Variants in ADGRL3 observed in about 807,000 individuals in gnomAD.
ADGRL3 encodes adhesion G protein-coupled receptor L3.
In ADGRL3, 62 loss-of-function variants were observed where a neutral mutation model predicts 153.5. That is an observed-to-expected ratio of 0.40 (90% CI 0.33 to 0.50). The LOEUF (loss-of-function observed/expected upper bound fraction) is 0.50. ADGRL3 is among the 20% of genes least tolerant of loss of function. The pLI, the probability that ADGRL3 is intolerant of heterozygous loss-of-function variation, is 0.47. For synonymous variants in ADGRL3, 710 were observed against 672.5 expected, an observed-to-expected ratio of 1.06 and a Z score of -0.86; for missense variants, 1,641 against 1,859.4, an observed-to-expected ratio of 0.88 and a Z score of 2.16.
At chr4:61,305,874 A>G (rs2094762755) in intron 1 of ADGRL3, among the ~76,000 whole-genome samples, 1 of 152,056 alleles carries the variant, frequency 6.6e-6, no homozygotes, top group Non-Finnish European at 1.5e-5. Context: ...GTCTTCTCTG[A>G]GGGTGTGTGG....
chr4:61,846,934 A>G (rs1227842106), intron 9 of ADGRL3, among the ~76,000 whole-genome samples: 1 of 136,654 alleles, frequency 7.3e-6, no homozygotes, highest in Non-Finnish European at 1.5e-5. Flanking sequence ...GCCGTGAGGG[A>G]TATTTTATAT....
chr4:61,554,505 T>G (rs2098756485), intron 4 of ADGRL3, among the ~76,000 whole-genome samples: 1 of 152,124 alleles, frequency 6.6e-6, no homozygotes, highest in Admixed American at 6.6e-5. Flanking sequence ...CTAGGTATTT[T>G]ATTTTTATTC....
intron 5 of ADGRL3, among the ~76,000 whole-genome samples, chr4:61,668,457 A>C (rs1233447880): frequency 6.6e-6 from 1 of 152,260 alleles, no homozygotes; most frequent in Admixed American, 6.5e-5. Context: ...TAGAAGCAAC[A>C]GAAAAAACGA....
intron 1 of ADGRL3, among the ~76,000 whole-genome samples, chr4:61,369,287 A>T (rs1331947487): frequency 6.6e-6 from 1 of 152,186 alleles, no homozygotes; most frequent in Admixed American, 6.5e-5. Flanking sequence ...GTGGTGAGAG[A>T]GGGCATCCCT....
intron 1 of ADGRL3, among the ~76,000 whole-genome samples, chr4:61,345,004 G>A (rs1031507736): frequency 2.0e-5 from 3 of 151,230 alleles, no homozygotes; most frequent in African/African-American, 7.3e-5. Context: ...CAGCATGTTG[G>A]CCAGGCTTGT....
chr4:61,947,981 A>T, intron 16 of ADGRL3, 119 bp from the exon 17 acceptor site: 1 of 723,942 alleles, frequency 1.4e-6, no homozygotes, highest in Non-Finnish European at 2.3e-6. Flanking sequence ...AACCATTGGT[A>T]GACATCTCTA....
chr4:61,879,764 G>A (rs533930390), intron 9 of ADGRL3, among the ~76,000 whole-genome samples: 5 of 152,214 alleles, frequency 3.3e-5, no homozygotes, highest in South Asian at 2.1e-4. Flanking sequence ...CTGTCACCCA[G>A]GCTGGAGTGC....
chr4:61,361,595 C>T (rs916556666), intron 1 of ADGRL3, among the ~76,000 whole-genome samples: 4 of 152,180 alleles, frequency 2.6e-5, no homozygotes, highest in Middle Eastern at 3.4e-3. Flanking sequence ...TCCACTTTCA[C>T]GATATTGTGA....
At chr4:61,432,429 A>G (rs950007995) in intron 2 of ADGRL3, among the ~76,000 whole-genome samples, 1 of 152,092 alleles carries the variant, frequency 6.6e-6, no homozygotes, top group African/African-American at 2.4e-5. Flanking sequence ...TCCTAATCCT[A>G]AATCAGTATT....
intron 4 of ADGRL3, among the ~76,000 whole-genome samples, chr4:61,582,001 C>T (rs997635800): frequency 6.6e-5 from 10 of 151,624 alleles, no homozygotes; most frequent in Admixed American, 3.9e-4. Flanking sequence ...TGTTGTTTTG[C>T]TTTTAATACA....
intron 6 of ADGRL3, among the ~76,000 whole-genome samples, chr4:61,715,181 A>G (rs1401041591): frequency 1.3e-5 from 2 of 152,166 alleles, no homozygotes; most frequent in African/African-American, 4.8e-5. Flanking sequence ...GGCCAATATT[A>G]TACAAAATCT....
chr4:61,546,836 A>G (rs563402324), intron 4 of ADGRL3, among the ~76,000 whole-genome samples: 3 of 152,348 alleles, frequency 2.0e-5, no homozygotes, highest in East Asian at 1.9e-4. Context: ...AACTTGTGCC[A>G]TGAAGCAAAA....
chr4:61,985,645 A>G (rs1290455738), intron 19 of ADGRL3, among the ~76,000 whole-genome samples: 1 of 152,190 alleles, frequency 6.6e-6, no homozygotes, highest in African/African-American at 2.4e-5. Flanking sequence ...AAAGGGAACG[A>G]CAAGAAGAGG....
intron 2 of ADGRL3, among the ~76,000 whole-genome samples, chr4:61,431,783 A>G (rs560098514): frequency 2.6e-5 from 4 of 152,224 alleles, no homozygotes; most frequent in South Asian, 2.1e-4. Flanking sequence ...GTCTGCTAAA[A>G]TCATGTAACA....
At chr4:61,325,234 C>G (rs1274438125) in intron 1 of ADGRL3, among the ~76,000 whole-genome samples, 3 of 152,184 alleles carry the variant, frequency 2.0e-5, no homozygotes, top group Non-Finnish European at 4.4e-5. Context: ...ATCGCTTGAA[C>G]CAGGGAGTCG....
intron 21 of ADGRL3, among the ~76,000 whole-genome samples, chr4:62,012,636 A>ATCTAGTAAAATGTGTTTACT (rs2099191851): frequency 6.6e-6 from 1 of 152,180 alleles, no homozygotes; most frequent in Non-Finnish European, 1.5e-5. Flanking sequence ...AATTTTTAAG[A>ATCTAGTAAAATGTGTTTACT]GATTGCCATT....
intron 8 of ADGRL3, among the ~76,000 whole-genome samples, chr4:61,778,929 G>C (rs1000408061): frequency 6.6e-6 from 1 of 151,996 alleles, no homozygotes; most frequent in Non-Finnish European, 1.5e-5. Flanking sequence ...ACGGTGGTGG[G>C]CATCTGTAAT....
At chr4:61,394,754 C>T (rs569201666) in intron 2 of ADGRL3, among the ~76,000 whole-genome samples, 1 of 152,054 alleles carries the variant, frequency 6.6e-6, no homozygotes, top group South Asian at 2.1e-4. Flanking sequence ...AACAATAATG[C>T]AATTAGCTAA....
chr4:61,745,081 G>A (rs1392467379), intron 8 of ADGRL3, among the ~76,000 whole-genome samples: 1 of 152,166 alleles, frequency 6.6e-6, no homozygotes, highest in Non-Finnish European at 1.5e-5. Flanking sequence ...GAAGCCTCAG[G>A]AGCCAATGCG....
Sources: gnomAD v4.1 joint callset for allele counts (sites outside exome capture counted in the v4.1 genomes callset) on GRCh38, gnomAD v4.1.1 for gene constraint, MANE v1.5 for transcripts, NCBI Gene and HGNC (gene_info 2026-07-23, HGNC 2026-07-21) for gene names.